CLYBL: variants seen among roughly 807,000 people sequenced by gnomAD.
CLYBL encodes the protein citramalyl-CoA lyase, also known as citramalyl-CoA lyase, mitochondrial.
Under a neutral mutation model 38.9 loss-of-function variants are expected in CLYBL, and 31 were observed. That is an observed-to-expected ratio of 0.80 (90% CI 0.60 to 1.08). The LOEUF (loss-of-function observed/expected upper bound fraction) is 1.08, where lower values mean the gene tolerates loss of function less well. Ranked by LOEUF, CLYBL falls within the 50% of genes least tolerant of loss-of-function variation. The pLI is 0.00. For synonymous variants in CLYBL, 171 were observed against 158.6 expected, an observed-to-expected ratio of 1.08 and a Z score of -0.59; for missense variants, 434 against 411.6, an observed-to-expected ratio of 1.05 and a Z score of -0.47.
intron 2 of CLYBL, among the ~76,000 whole-genome samples, chr13:99,800,773 C>T (rs143955048): frequency 6.6e-6 from 1 of 152,018 alleles, no homozygotes; most frequent in African/African-American, 2.4e-5. Flanking sequence ...ACTCAAGAGG[C>T]TGAGGCAGGA....
intron 1 of CLYBL, among the ~76,000 whole-genome samples, chr13:99,654,931 G>A (rs2047308040): frequency 6.6e-6 from 1 of 151,950 alleles, no homozygotes; most frequent in African/African-American, 2.4e-5. Context: ...CTTGAACCCG[G>A]GAGGCAGAGG....
At chr13:99,875,280 A>G (rs2052008725) in intron 7 of CLYBL, among the ~76,000 whole-genome samples, 1 of 152,224 alleles carries the variant, frequency 6.6e-6, no homozygotes, top group Admixed American at 6.5e-5. Flanking sequence ...TGATAAGTTC[A>G]CATTAGTAAG....
At chr13:99,871,157 T>A in intron 7 of CLYBL, 95 bp downstream of exon 7, 1 of 1,388,920 alleles carries the variant, frequency 7.2e-7, no homozygotes. Context: ...TTAAGAAAAC[T>A]CATCGTATCT....
chr13:99,893,998 G>C (rs908612851), downstream of CLYBL: 2 of 152,290 alleles, frequency 1.3e-5, no homozygotes, highest in Non-Finnish European at 2.9e-5. Flanking sequence ...TATTAGGGTA[G>C]GATCATGAGA....
At chr13:99,900,328 G>A (rs975385820), downstream of CLYBL, among the ~76,000 whole-genome samples, 8 of 152,018 alleles carry the variant, frequency 5.3e-5, no homozygotes, top group Non-Finnish European at 8.8e-5. Flanking sequence ...CCACAGCCAC[G>A]TGCATTTTGG....
At chr13:99,615,546 C>A (rs1281767239) in intron 1 of CLYBL, among the ~76,000 whole-genome samples, 2 of 152,168 alleles carry the variant, frequency 1.3e-5, no homozygotes, top group East Asian at 3.8e-4. Context: ...TGCTTACGAT[C>A]CTGTGAAGTT....
intron 1 of CLYBL, among the ~76,000 whole-genome samples, chr13:99,684,662 T>C (rs1242430068): frequency 1.3e-5 from 2 of 152,316 alleles, no homozygotes; most frequent in East Asian, 3.9e-4. Context: ...AGATTGGTTA[T>C]GTTCAACAGC....
At position 99,858,953 on chromosome 13, in the gene CLYBL, T is replaced by A; in HGVS notation, c.342T>A (p.Gly114=). The change falls in exon 3 of 9, where the codon GGT becomes GGA. Residue 114 remains glycine (G), a synonymous_variant. Coordinates refer to ENST00000339105, the MANE Select transcript of CLYBL (RefSeq NM_206808.5). ...KCVRVNSVSS[G]LAEEDLETLL... ...TGAGAGTCAACTCAGTTTCCAGTGG[T>A]CTGGCGGAAGAAGACCTAGAGACCC... The A allele has an allele frequency of 6.2e-7, 1 of 1,614,126 alleles. No individual in the cohort carries two copies. Among genetic ancestry groups the A allele is most frequent in the Non-Finnish European group, 8.5e-7 (1 of 1,179,976 alleles).
At chr13:99,859,723 T>G (rs148281270) in intron 3 of CLYBL, among the ~76,000 whole-genome samples, 1 of 152,260 alleles carries the variant, frequency 6.6e-6, no homozygotes, top group Admixed American at 6.5e-5. Context: ...TAAGAAAACT[T>G]TTGAAATAGG....
chr13:99,831,745 A>C (rs980880613), intron 2 of CLYBL, among the ~76,000 whole-genome samples: 5 of 151,174 alleles, frequency 3.3e-5, no homozygotes, highest in African/African-American at 1.2e-4. Flanking sequence ...TGTAGAAGGA[A>C]ACACACGCTA....
chr13:99,773,330 C>G (rs1451132594), intron 2 of CLYBL, among the ~76,000 whole-genome samples: 1 of 152,176 alleles, frequency 6.6e-6, no homozygotes, highest in Non-Finnish European at 1.5e-5. Context: ...TCAGGGGTCC[C>G]CAATCCCCAG....
At chr13:99,781,223 T>A (rs886164101) in intron 2 of CLYBL, among the ~76,000 whole-genome samples, 1 of 151,904 alleles carries the variant, frequency 6.6e-6, no homozygotes, top group Non-Finnish European at 1.5e-5. Context: ...CAGGCTGGAG[T>A]GCAGTGGTGC....
At chr13:99,813,641 G>A (rs1052749389) in intron 2 of CLYBL, among the ~76,000 whole-genome samples, 2 of 152,148 alleles carry the variant, frequency 1.3e-5, no homozygotes, top group East Asian at 1.9e-4. Flanking sequence ...GCAAGCTTCG[G>A]TGTCTTCATC....
intron 1 of CLYBL, among the ~76,000 whole-genome samples, chr13:99,715,558 A>C (rs1032843250): frequency 3.3e-5 from 5 of 151,780 alleles, no homozygotes; most frequent in African/African-American, 9.7e-5. Context: ...GCATGCCACC[A>C]TGCCTGGGTA....
At chr13:99,607,209 T>TG (rs5806130) in intron 1 of CLYBL, among the ~76,000 whole-genome samples, 120,103 of 152,024 alleles carry the variant, frequency 0.79, 47,929 homozygotes, top group East Asian at 0.93. Flanking sequence ...TTGATTTTTG[T>TG]GCATGAGGAA....
intron 1 of CLYBL, among the ~76,000 whole-genome samples, chr13:99,674,120 T>G (rs566139694): frequency 1.9e-4 from 28 of 149,078 alleles, no homozygotes; most frequent in Non-Finnish European, 3.4e-4. Context: ...CTAGAATTCG[T>G]TTTTTTTTAG....
intron 2 of CLYBL, among the ~76,000 whole-genome samples, chr13:99,833,030 A>ATATATATATATATATTT (rs1555314878): frequency 2.8e-5 from 1 of 35,870 alleles, no homozygotes; most frequent in Non-Finnish European, 4.4e-5. Flanking sequence ...ATATATATAT[A>ATATATATATATATATTT]TTTTTTTTTT....
chr13:99,701,427 C>T (rs2048063983), intron 1 of CLYBL, among the ~76,000 whole-genome samples: 1 of 152,082 alleles, frequency 6.6e-6, no homozygotes. Flanking sequence ...TCTCCTGCCT[C>T]AGCCTCCCAA....
At position 99,833,180 on chromosome 13, in the gene CLYBL, T is replaced by C. The variant is rs554183473; in HGVS notation, c.250-25681T>C. The stretch of plus-strand genomic sequence containing the variant: ...CCTCAGCCTCCCAAGTAGCTGGGAT[T>C]ACAGGCACCTGCCACCACACCTGGC... On this transcript the variant is annotated intron_variant, in intron 2 of 8. Coordinates refer to ENST00000339105, the MANE Select transcript of CLYBL (RefSeq NM_206808.5). Among the ~76,000 whole-genome samples the C allele has an allele frequency of 8.1e-4, 122 of 150,248 alleles. 2 individuals are homozygous for C. The South Asian group carries it at 0.013, about 16-fold the overall frequency.
Sources: gnomAD v4.1 joint callset for allele counts (sites outside exome capture counted in the v4.1 genomes callset) on GRCh38, gnomAD v4.1.1 for gene constraint, MANE v1.5 for transcripts, NCBI Gene and HGNC (gene_info 2026-07-23, HGNC 2026-07-21) for gene names.